Variants in RSPO2 observed in about 807,000 individuals in gnomAD.
RSPO2 encodes the protein R-spondin-2.
RSPO2 carries 14 observed loss-of-function variants against 30.9 expected under a neutral mutation model. The observed-to-expected ratio is 0.45, with a 90% CI of 0.30 to 0.71. The LOEUF (loss-of-function observed/expected upper bound fraction) is 0.71. Among genes scored for constraint, RSPO2 ranks in the 30% least tolerant of loss-of-function variants. The pLI, the probability that RSPO2 is intolerant of heterozygous loss-of-function variation, is 0.08. For synonymous variants in RSPO2, 107 were observed against 96.4 expected, an observed-to-expected ratio of 1.11 and a Z score of -0.64; for missense variants, 264 against 301.9, an observed-to-expected ratio of 0.87 and a Z score of 0.93.
At chr8:108,055,390 T>C (rs1238960479) in intron 2 of RSPO2, among the ~76,000 whole-genome samples, 3 of 152,084 alleles carry the variant, frequency 2.0e-5, no homozygotes. Flanking sequence ...GAGTTTGTTT[T>C]ATTTGAGGTG....
chr8:107,974,405 G>A (rs552767430), intron 3 of RSPO2, among the ~76,000 whole-genome samples: 11 of 152,218 alleles, frequency 7.2e-5, no homozygotes, highest in South Asian at 4.2e-4. Context: ...CCAGTTACTC[G>A]GGAGGCTGAG....
chr8:107,955,109 G>T (rs1813379886), intron 5 of RSPO2, among the ~76,000 whole-genome samples: 1 of 152,114 alleles, frequency 6.6e-6, no homozygotes, highest in African/African-American at 2.4e-5. Flanking sequence ...AAATGCAGGG[G>T]GCAGCTACTG....
intron 5 of RSPO2, among the ~76,000 whole-genome samples, chr8:107,955,557 T>C (rs1813397854): frequency 6.6e-6 from 1 of 152,164 alleles, no homozygotes; most frequent in Non-Finnish European, 1.5e-5. Flanking sequence ...TTCCAGATAT[T>C]ATTTGATTTT....
chr8:107,925,210 C>T (rs1315517063), intron 5 of RSPO2, among the ~76,000 whole-genome samples: 3 of 151,674 alleles, frequency 2.0e-5, no homozygotes, highest in Admixed American at 6.6e-5. Flanking sequence ...GTACACCGCT[C>T]AGGTGACAGG....
At chr8:107,983,893 G>A (rs2348326) in intron 3 of RSPO2, 58 of 1,414,236 alleles carry the variant, frequency 4.1e-5, no homozygotes, top group Non-Finnish European at 5.3e-5. Context: ...CCTGTCTTCC[G>A]CCCTTGGATT....
At chr8:107,998,921 C>T (rs1030279598) in intron 2 of RSPO2, among the ~76,000 whole-genome samples, 2 of 152,080 alleles carry the variant, frequency 1.3e-5, no homozygotes, top group African/African-American at 4.8e-5. Context: ...GTGCCGCATG[C>T]CTGTAATCCC....
rs189241623 is a variant in RSPO2, at chr8:107,946,148, G to A, written c.616+11932C>T. Among the ~76,000 whole-genome samples, 7 of 152,342 alleles carry A rather than the reference G, an allele frequency of 4.6e-5. No homozygotes were observed. In the East Asian group the frequency reaches 7.7e-4, roughly 17 times the overall value. ...CTCACACTTTGTGATCCTTCACTCT[G>A]TGCTAGGCAAAGTATGAATGATGTC... is the stretch of plus-strand genomic sequence containing the variant. On this transcript the variant is annotated intron_variant, in intron 5 of 5. Coordinates refer to ENST00000276659, the MANE Select transcript of RSPO2 (RefSeq NM_178565.5).
At chr8:108,074,674 G>T (rs181223045) in intron 2 of RSPO2, among the ~76,000 whole-genome samples, 53 of 152,302 alleles carry the variant, frequency 3.5e-4, no homozygotes, top group Non-Finnish European at 6.5e-4. Context: ...TTTGAATGGG[G>T]TCAAAGGGAA....
chr8:108,081,920 A>T (rs1421105134), intron 2 of RSPO2: 1 of 985,182 alleles, frequency 1.0e-6, no homozygotes, highest in East Asian at 1.1e-4. Flanking sequence ...TGCTTAATTC[A>T]GAAAGTTCCC....
intron 5 of RSPO2, among the ~76,000 whole-genome samples, chr8:107,917,481 T>A (rs891660133): frequency 6.6e-6 from 1 of 152,086 alleles, no homozygotes; most frequent in Non-Finnish European, 1.5e-5. Context: ...TAAAATTGAG[T>A]TACTATTTCA....
chr8:107,941,330 A>G (rs906439840), intron 5 of RSPO2, among the ~76,000 whole-genome samples: 9 of 152,196 alleles, frequency 5.9e-5, no homozygotes, highest in Admixed American at 4.6e-4. Context: ...AAGAAGGTCT[A>G]GGAACTTGGG....
chr8:108,000,326 T>C (rs1815197326), intron 2 of RSPO2, among the ~76,000 whole-genome samples: 1 of 152,140 alleles, frequency 6.6e-6, no homozygotes, highest in Non-Finnish European at 1.5e-5. Context: ...TTTGGTTCAA[T>C]ACATTTTACC....
In RSPO2 at chr8:107,989,099, G is replaced by A. The variant is rs755256368; in HGVS notation, c.240C>T (p.Ser80=). ...QYGECLHSCP[S]GYYGHRAPDM... ...CTGGGGCTCGGTGTCCATAGTACCC[G>A]GATGGGCAGGAATGCAGGCACTCTC... Residue 80 remains serine, a synonymous_variant, in exon 3 of 6, where the codon TCC becomes TCT. Transcript: ENST00000276659. 184 of 1,609,326 alleles carry A rather than the reference G, an allele frequency of 1.1e-4. 1 individual carries two copies. In the Middle Eastern group the frequency reaches 5.5e-3, roughly 48 times the overall value.
chr8:107,970,286 GTTC>G (rs1341783124), intron 3 of RSPO2, among the ~76,000 whole-genome samples: 1 of 151,948 alleles, frequency 6.6e-6, no homozygotes, highest in Non-Finnish European at 1.5e-5. Flanking sequence ...ACAAAATATT[GTTC>G]TTTCATTTTT....
chr8:107,962,413 C>A (rs1257571047), intron 3 of RSPO2, among the ~76,000 whole-genome samples: 1 of 152,130 alleles, frequency 6.6e-6, no homozygotes, highest in Non-Finnish European at 1.5e-5. Context: ...CACTATGAAG[C>A]AGCTAATGCA....
At chr8:107,914,853 C>T (rs564940324) in intron 5 of RSPO2, among the ~76,000 whole-genome samples, 56 of 152,110 alleles carry the variant, frequency 3.7e-4, no homozygotes, top group African/African-American at 1.0e-3. Context: ...CCTAATCTTC[C>T]TGTAGAAAAA....
At chr8:107,937,641 G>A (rs905721940) in intron 5 of RSPO2, among the ~76,000 whole-genome samples, 3 of 150,952 alleles carry the variant, frequency 2.0e-5, no homozygotes, top group Non-Finnish European at 4.4e-5. Flanking sequence ...AACAGAAGAA[G>A]GTGGCCAGAA....
Position 107,911,278 on chromosome 8 carries a change from C to T in RSPO2, c.617-10088G>A, listed in dbSNP as rs146334237. Reference sequence around the variant, plus strand: ...AGAGAGGAATTCAACATGCCTCAGTCGCCACAGAGCCATGGATGCCTGAAC... The same window carrying T: ...AGAGAGGAATTCAACATGCCTCAGTTGCCACAGAGCCATGGATGCCTGAAC... On this transcript the variant is annotated intron_variant, in intron 5 of 5. Coordinates refer to ENST00000276659, the MANE Select transcript of RSPO2 (RefSeq NM_178565.5). Among the ~76,000 whole-genome samples the T allele has an allele frequency of 2.3e-3, 345 of 152,276 alleles. 1 individual carries two copies. The highest frequency in any genetic ancestry group is 0.01 in the Middle Eastern group (3 of 294).
intron 3 of RSPO2, among the ~76,000 whole-genome samples, chr8:107,964,080 C>G (rs1413195863): frequency 6.6e-6 from 1 of 152,214 alleles, no homozygotes; most frequent in Non-Finnish European, 1.5e-5. Context: ...GTGCCAAGTC[C>G]TAGCACCTGA....
Sources: gnomAD v4.1 joint callset for allele counts (sites outside exome capture counted in the v4.1 genomes callset) on GRCh38, gnomAD v4.1.1 for gene constraint, MANE v1.5 for transcripts, NCBI Gene and HGNC (gene_info 2026-07-23, HGNC 2026-07-21) for gene names.